Variants in BMPR2 observed in about 807,000 individuals in gnomAD.
The protein encoded by BMPR2 is bone morphogenetic protein receptor type 2.
BMPR2 carries 29 observed loss-of-function variants against 100.8 expected under a neutral mutation model. The observed-to-expected ratio is 0.29, with a 90% confidence interval of 0.21 to 0.39. The LOEUF is 0.39. BMPR2 is among the 10% of genes least tolerant of loss of function. The pLI is 1.00. For missense variants in BMPR2, 1,011 were observed against 1,274.5 expected (o/e 0.79, Z 3.15); for synonymous variants, 382 against 442.3 (o/e 0.86, Z 1.71).
chr2:202,526,022 C>T (rs1328501056), intron 7 of BMPR2, among the ~76,000 whole-genome samples: 12 of 151,820 alleles, frequency 7.9e-5, no homozygotes, highest in Non-Finnish European at 1.3e-4. Context: ...TGCACCACCA[C>T]GCCCAGCTAA....
intron 2 of BMPR2, among the ~76,000 whole-genome samples, chr2:202,466,885 A>G (rs752312918): frequency 5.9e-5 from 9 of 152,194 alleles, no homozygotes; most frequent in Non-Finnish European, 1.2e-4. Flanking sequence ...GGCGTGAGCC[A>G]CCGTGCCCAG....
chr2:202,376,879 G>A lies in BMPR2; in HGVS notation c.-596G>A, dbSNP rs1256383955. On this transcript the variant is annotated 5_prime_UTR_variant, in exon 1 of 13. Coordinates refer to ENST00000374580, the MANE Select transcript of BMPR2 (RefSeq NM_001204.7). Reference sequence around the variant, plus strand: ...ACTGTGAGCTTGTCCATGGAGGCAGGCACCTTTTTTGATCCAGTCAAGGAA... The same window carrying A: ...ACTGTGAGCTTGTCCATGGAGGCAGACACCTTTTTTGATCCAGTCAAGGAA... 3 of 410,278 alleles carry A rather than the reference G, an allele frequency of 7.3e-6. No homozygotes were observed. Among genetic ancestry groups the A allele is most frequent in the Non-Finnish European group, 1.3e-5 (3 of 233,934 alleles). The allele number at this position is 410,278 out of a possible 1,614,324, so 25.4% of individuals were successfully genotyped here. A position where few individuals can be genotyped will look rare whatever the true frequency, so the allele number is the denominator to read the frequency against.
At chr2:202,517,221 T>TAAAA (rs757696369) in intron 5 of BMPR2, among the ~76,000 whole-genome samples, 1 of 130,186 alleles carries the variant, frequency 7.7e-6, no homozygotes, top group African/African-American at 2.8e-5. Flanking sequence ...CTATCTCAAT[T>TAAAA]AAAAAAAAAA....
chr2:202,490,321 C>T (rs1692875448), intron 3 of BMPR2, among the ~76,000 whole-genome samples: 1 of 150,130 alleles, frequency 6.7e-6, no homozygotes, highest in Admixed American at 6.6e-5. Flanking sequence ...AAGGTATGTA[C>T]ACACACACAC....
chr2:202,563,594 AC>A lies in BMPR2; in HGVS notation c.*3649del, dbSNP rs920817980. Reference sequence around the variant, plus strand: ...CTTGAGAAATAATTACTAATTCTAGACAAAACTCAATCCTGTATCTTCCATC... The same window carrying A: ...CTTGAGAAATAATTACTAATTCTAGAAAAACTCAATCCTGTATCTTCCATC... On this transcript the variant is annotated 3_prime_UTR_variant, in exon 13 of 13. Transcript: ENST00000374580. 1 of 152,214 alleles carries A rather than the reference AC, an allele frequency of 6.6e-6. No individual in the cohort carries two copies. Among genetic ancestry groups the A allele is most frequent in the Non-Finnish European group, 1.5e-5 (1 of 68,040 alleles). 9.4% of individuals were successfully genotyped at this position (152,214 alleles called of 1,614,324 possible). A position where few individuals can be genotyped will look rare whatever the true frequency, so the allele number is the denominator to read the frequency against.
rs766841824 is a variant in BMPR2 at position 202,562,551 on chromosome 2, A to C, written c.*2605A>C. The C allele has an allele frequency of 3.3e-5, 5 of 152,508 alleles. No homozygotes were observed. Among genetic ancestry groups the C allele is most frequent in the Non-Finnish European group, 7.4e-5 (5 of 68,024 alleles). 9.4% of individuals were successfully genotyped at this position (152,508 alleles called of 1,614,324 possible). A position where few individuals can be genotyped will look rare whatever the true frequency, so the allele number is the denominator to read the frequency against. On this transcript the variant is annotated 3_prime_UTR_variant, in exon 13 of 13. Coordinates refer to ENST00000374580, the MANE Select transcript of BMPR2 (RefSeq NM_001204.7). ...GTATGCTAATACTCATCTGATAATA[A>C]ATGCTTCTTAAAGTTGACATTTAAC... is the stretch of plus-strand genomic sequence containing the variant.
At chr2:202,511,802 T>G (rs1687630359) in intron 3 of BMPR2, among the ~76,000 whole-genome samples, 1 of 152,020 alleles carries the variant, frequency 6.6e-6, no homozygotes, top group African/African-American at 2.4e-5. Context: ...GCACATCAAC[T>G]TGAGGCCAGG....
chr2:202,397,675 T>A lies in BMPR2; in HGVS notation c.76+20125T>A, dbSNP rs575558438. On this transcript the variant is annotated intron_variant, in intron 1 of 12. Transcript: ENST00000374580. ...CACCACGCCCACCTAATTTAAAAAATTTTTTTTAGAGACAGGGTCTCACCA... is the reference window on the plus strand; with the variant it reads ...CACCACGCCCACCTAATTTAAAAAAATTTTTTTAGAGACAGGGTCTCACCA... Among the ~76,000 whole-genome samples, 22 of 151,518 alleles carry A rather than the reference T, an allele frequency of 1.5e-4. No individual in the cohort carries two copies. The East Asian group carries it at 1.8e-3, about 12-fold the overall frequency.
chr2:202,405,386 T>C (rs936436994), intron 1 of BMPR2, among the ~76,000 whole-genome samples: 1 of 152,034 alleles, frequency 6.6e-6, no homozygotes, highest in Non-Finnish European at 1.5e-5. Flanking sequence ...GGGGCTCCCT[T>C]ATTCAAAAAG....
At chr2:202,463,518 AC>A (rs1692261376) in intron 1 of BMPR2, among the ~76,000 whole-genome samples, 1 of 152,228 alleles carries the variant, frequency 6.6e-6, no homozygotes. Flanking sequence ...TACTAAAGGT[AC>A]ACATCCAAAA....
intron 1 of BMPR2, among the ~76,000 whole-genome samples, chr2:202,425,841 C>A (rs1328785300): frequency 6.6e-6 from 1 of 152,120 alleles, no homozygotes; most frequent in Non-Finnish European, 1.5e-5. Context: ...AAGATTAATA[C>A]ATTGAATTGC....
chr2:202,405,080 C>A (rs1411106854), intron 1 of BMPR2, among the ~76,000 whole-genome samples: 1 of 152,122 alleles, frequency 6.6e-6, no homozygotes, highest in African/African-American at 2.4e-5. Context: ...ATCTCAGCCT[C>A]CCAAAGTGCT....
At chr2:202,381,942 T>C (rs1290453520) in intron 1 of BMPR2, among the ~76,000 whole-genome samples, 2 of 151,966 alleles carry the variant, frequency 1.3e-5, no homozygotes, top group Non-Finnish European at 1.5e-5. Flanking sequence ...ATTCTAACCA[T>C]TAAAAAAATA....
At chr2:202,381,879 GT>G (rs201649514) in intron 1 of BMPR2, among the ~76,000 whole-genome samples, 16 of 147,642 alleles carry the variant, frequency 1.1e-4, no homozygotes, top group Middle Eastern at 3.5e-3. Flanking sequence ...TTAAAGGCCA[GT>G]TTTTTTTTTA....
intron 7 of BMPR2, among the ~76,000 whole-genome samples, chr2:202,524,079 G>A (rs970176220): frequency 1.3e-5 from 2 of 151,556 alleles, no homozygotes; most frequent in African/African-American, 4.8e-5. Context: ...ACTAACTGTT[G>A]GGGCCGGACG....
chr2:202,532,167 T>G lies in BMPR2; in HGVS notation c.1129-418T>G, dbSNP rs980055704. ...TGTGTTAGCCAGGATGGTCTCGATC[T>G]CCTGACCTTGAGATCCACCCGCCTT... On this transcript the variant is annotated intron_variant, in intron 8 of 12. Transcript: ENST00000374580. The surrounding 1 kb of genome is among the most constrained non-coding windows in gnomAD (Gnocchi z 4.1). 6.7e-6 allele frequency among the ~76,000 whole-genome samples: 1 copy of G among 148,792 alleles called. No homozygotes were observed. Among genetic ancestry groups the G allele is most frequent in the Non-Finnish European group, 1.5e-5 (1 of 67,322 alleles).
At chr2:202,544,843 C>T (rs1427665818) in intron 10 of BMPR2, among the ~76,000 whole-genome samples, 1 of 141,734 alleles carries the variant, frequency 7.1e-6, no homozygotes, top group Non-Finnish European at 1.5e-5. Context: ...TGGCTCACTG[C>T]AGCTTTGAAC....
chr2:202,400,731 A>T (rs1242479101), intron 1 of BMPR2, among the ~76,000 whole-genome samples: 1 of 152,326 alleles, frequency 6.6e-6, no homozygotes, highest in Non-Finnish European at 1.5e-5. Context: ...CAATATAATT[A>T]TCTGATTAGT....
At chr2:202,535,468 C>T (rs1688133907) in intron 9 of BMPR2, among the ~76,000 whole-genome samples, 1 of 150,924 alleles carries the variant, frequency 6.6e-6, no homozygotes, top group African/African-American at 2.4e-5. Context: ...CAGAGGCGCT[C>T]CCCACATCTC....
Sources: allele counts gnomAD v4.1 joint callset (sites outside exome capture counted in the v4.1 genomes callset), GRCh38; gene constraint gnomAD v4.1.1; non-coding constraint Gnocchi (gnomAD v3.1); transcripts MANE v1.5; gene names NCBI Gene and HGNC (gene_info 2026-07-23, HGNC 2026-07-21).